The following UPF3B variants were observed in gnomAD, a reference collection of about 807,000 sequenced individuals.
The protein encoded by UPF3B is UPF3B regulator of nonsense mediated mRNA decay, also known as regulator of nonsense transcripts 3B.
Under a neutral mutation model 40.3 loss-of-function variants are expected in UPF3B, and 7 were observed. That is an observed-to-expected ratio of 0.17 (90% CI 0.10 to 0.33). UPF3B has a LOEUF of 0.33. UPF3B is among the 10% of genes least tolerant of loss of function. The probability of loss-of-function intolerance (pLI) is 1.00; values close to 1 mark genes in which losing one functional copy is unlikely to be tolerated. For missense variants in UPF3B, 229 were observed against 358.9 expected (o/e 0.64, Z 2.93); for synonymous variants, 117 against 117.3 (o/e 1.00, Z 0.01).
intron 3 of UPF3B, among the ~76,000 whole-genome samples, chrX:119,848,214 G>A (rs926837914): frequency 4.8e-5 from 5 of 103,993 alleles, no homozygotes; most frequent in South Asian, 4.6e-4. Flanking sequence ...CCCAGGAAGC[G>A]GAGGTTGCAG....
Position 119,851,552 on chromosome X carries a change from C to G in UPF3B, c.313G>C (p.Glu105Gln). 1 of 1,209,758 alleles carries G rather than the reference C, an allele frequency of 8.3e-7. No individual in the cohort carries two copies. The highest frequency in any genetic ancestry group is 1.1e-6 in the Non-Finnish European group (1 of 894,046). ...CGATCCCTGAACAAAATAATGTCCTCTTGGTTTTTAAAGTTGATGTATGCT... is the reference window on the plus strand; with the variant it reads ...CGATCCCTGAACAAAATAATGTCCTGTTGGTTTTTAAAGTTGATGTATGCT... ...ARAYINFKNQ[E>Q]DIILFRDRFD... is the part of the protein sequence containing the mutation. Residue 105 changes from glutamate (E) to glutamine (Q), a missense_variant, in exon 3 of 11, where the codon GAG becomes CAG. Glu to Gln is a conservative substitution (Grantham distance 29, BLOSUM62 2). Coordinates refer to ENST00000276201, the MANE Select transcript of UPF3B (RefSeq NM_080632.3).
chrX:119,848,688 T>G (rs2056264658), intron 3 of UPF3B, among the ~76,000 whole-genome samples: 1 of 112,009 alleles, frequency 8.9e-6, no homozygotes, highest in South Asian at 3.7e-4. Context: ...ACAACATGGA[T>G]GGACCTTGAA....
At chrX:119,806,090 C>T (rs2055788447) in intron 6 of UPF3B, among the ~76,000 whole-genome samples, 1 of 73,769 alleles carries the variant, frequency 1.4e-5, no homozygotes, top group Non-Finnish European at 2.5e-5. Context: ...ACCCAAATGT[C>T]CAACAATGAT....
chrX:119,850,896 G>A (rs779420542), intron 3 of UPF3B, among the ~76,000 whole-genome samples: 61 of 111,628 alleles, frequency 5.5e-4, no homozygotes, highest in Admixed American at 4.4e-3. Flanking sequence ...GGACCGCCAC[G>A]CCTGGCTAAT....
downstream of UPF3B, chrX:119,831,840 A>G: frequency 3.1e-6 from 1 of 326,345 alleles, no homozygotes; most frequent in Non-Finnish European, 4.0e-6. Context: ...TAAGTTATAT[A>G]TTAATATATC....
intron 5 of UPF3B, among the ~76,000 whole-genome samples, chrX:119,842,605 TACACACACAC>T (rs543555558): frequency 5.4e-4 from 49 of 91,390 alleles, no homozygotes; most frequent in Non-Finnish European, 9.1e-4. Context: ...CACACACACA[TACACACACAC>T]ACACACACAC....
intron 3 of UPF3B, among the ~76,000 whole-genome samples, chrX:119,850,062 G>GT (rs951951067): frequency 9.9e-6 from 1 of 101,345 alleles, no homozygotes; most frequent in African/African-American, 4.0e-5. Context: ...GGCTGAGGTG[G>GT]GGGGGGGGAA....
intron 4 of UPF3B, 107 bp from the exon 5 acceptor site, chrX:119,843,408 G>T: frequency 3.3e-6 from 2 of 602,870 alleles, no homozygotes; most frequent in Non-Finnish European, 5.2e-6. Flanking sequence ...TTACTTCGTG[G>T]AAGATTAAAA....
intron 4 of UPF3B, among the ~76,000 whole-genome samples, chrX:119,815,793 C>T (rs1478592211): frequency 9.0e-6 from 1 of 111,728 alleles, no homozygotes; most frequent in East Asian, 2.8e-4. Context: ...GCTAGGATTG[C>T]CTGCATAGAC....
At chrX:119,843,390 A>G (rs1025561843) in intron 4 of UPF3B, 89 bp from the exon 5 acceptor site, 3 of 669,678 alleles carry the variant, frequency 4.5e-6, no homozygotes, top group Non-Finnish European at 6.9e-6. Flanking sequence ...ATCAAAGAAG[A>G]TAATTTTTTA....
chrX:119,851,527 C>T lies in UPF3B; in HGVS notation c.338G>A (p.Arg113His). ...NQEDIILFRD[R>H]FDGYVFLDNK... The stretch of plus-strand genomic sequence containing the variant: ...GTCAAGGAATACATAACCATCAAAG[C>T]GATCCCTGAACAAAATAATGTCCTC... The change falls in exon 3 of 11, where the codon CGC (arginine) becomes CAC (histidine). Residue 113 changes from arginine (R) to histidine (H), a missense_variant. Arg to His is a conservative substitution (Grantham distance 29). Coordinates refer to ENST00000276201, the MANE Select transcript of UPF3B (RefSeq NM_080632.3). The T allele has an allele frequency of 2.5e-6, 3 of 1,208,302 alleles. No individual in the cohort carries two copies. The highest frequency in any genetic ancestry group is 3.4e-6 in the Non-Finnish European group (3 of 892,748).
rs755604915 is a variant in UPF3B, at chrX:119,838,015, C to T, written c.1044G>A (p.Arg348=). Residue 348 remains arginine (R), a synonymous_variant, in exon 10 of 11, where the codon AGG becomes AGA. Transcript: ENST00000276201. ...CCTGATCTCGTTCATATTCCCGTTCCCTCTCCCTATAGTCTCTGCCGCTCT... is the reference window on the plus strand; with the variant it reads ...CCTGATCTCGTTCATATTCCCGTTCTCTCTCCCTATAGTCTCTGCCGCTCT... The part of the protein sequence containing the change: ...EDESGRDYRE[R]EREYERDQER... 3.3e-6 allele frequency: 4 copies of T among 1,210,988 alleles called. No individual in the cohort carries two copies. The East Asian group carries it at 1.2e-4, about 36-fold the overall frequency.
downstream of UPF3B, among the ~76,000 whole-genome samples, chrX:119,830,347 C>T (rs891815568): frequency 2.7e-5 from 3 of 110,417 alleles, no homozygotes; most frequent in South Asian, 1.2e-3. Context: ...TTGGTGCTGT[C>T]CTCTCCATAG....
At chrX:119,816,849 T>C (rs2055869486) in intron 4 of UPF3B, among the ~76,000 whole-genome samples, 1 of 111,936 alleles carries the variant, frequency 8.9e-6, no homozygotes, top group Admixed American at 9.5e-5. Flanking sequence ...CATTAACCTA[T>C]GTATCTCCAT....
intron 3 of UPF3B, among the ~76,000 whole-genome samples, chrX:119,825,842 G>C (rs186788170): frequency 3.3e-4 from 37 of 112,139 alleles, no homozygotes; most frequent in African/African-American, 1.2e-3. Context: ...TGCAAGGAAA[G>C]AAATTAATCC....
At chrX:119,852,226 C>A (rs1019270404) in intron 1 of UPF3B, among the ~76,000 whole-genome samples, 2 of 111,630 alleles carry the variant, frequency 1.8e-5, no homozygotes, top group African/African-American at 6.5e-5. Flanking sequence ...GTGGGTGCCA[C>A]GAAATCTTGA....
At chrX:119,837,726 C>T (rs201007615) in intron 10 of UPF3B, 31 bp downstream of exon 10, 1 of 1,201,521 alleles carries the variant, frequency 8.3e-7, no homozygotes, top group Non-Finnish European at 1.1e-6. Flanking sequence ...GGAAAAAAAC[C>T]CTCATAAACA....
At chrX:119,823,079 T>C in intron 3 of UPF3B, 1 of 704,128 alleles carries the variant, frequency 1.4e-6, no homozygotes, top group Non-Finnish European at 1.7e-6. Context: ...GTTACAACAA[T>C]GCTACTAAGC....
intron 6 of UPF3B, among the ~76,000 whole-genome samples, chrX:119,807,027 T>TAAAAA (rs1191950024): frequency 4.7e-5 from 1 of 21,419 alleles, no homozygotes; most frequent in Non-Finnish European, 8.8e-5. Flanking sequence ...AGACCCTGTC[T>TAAAAA]AAAAAAAAAA....
Sources: gnomAD v4.1 joint callset for allele counts (sites outside exome capture counted in the v4.1 genomes callset) on GRCh38, gnomAD v4.1.1 for gene constraint, MANE v1.5 for transcripts, NCBI Gene and HGNC (gene_info 2026-07-23, HGNC 2026-07-21) for gene names.